Variants in PDE4B observed in about 807,000 individuals in gnomAD.
The protein encoded by PDE4B is 3',5'-cyclic-AMP phosphodiesterase 4B.
A neutral mutation model predicts 82.2 loss-of-function variants in PDE4B; 20 were observed. The ratio of observed to expected loss-of-function variants is 0.24; its 90% CI spans 0.17 to 0.35. The LOEUF (loss-of-function observed/expected upper bound fraction) is 0.35, where lower values mean the gene tolerates loss of function less well. PDE4B is among the 10% of genes least tolerant of loss of function. The pLI is 1.00. For missense variants in PDE4B, 655 were observed against 907.2 expected (o/e 0.72, Z 3.57); for synonymous variants, 320 against 318.9 (o/e 1.00, Z -0.04).
intron 3 of PDE4B, among the ~76,000 whole-genome samples, chr1:65,937,003 G>A (rs547421510): frequency 1.3e-5 from 2 of 152,260 alleles, no homozygotes; most frequent in East Asian, 3.9e-4. Flanking sequence ...GTAGGAAGAG[G>A]CACGGAAATA....
At chr1:66,155,835 C>G (rs1286708884) in intron 3 of PDE4B, among the ~76,000 whole-genome samples, 1 of 152,088 alleles carries the variant, frequency 6.6e-6, no homozygotes, top group Non-Finnish European at 1.5e-5. Context: ...CATGATATTC[C>G]CTGCTTAAAA....
At chr1:66,087,931 G>A (rs540292843) in intron 3 of PDE4B, among the ~76,000 whole-genome samples, 45 of 151,498 alleles carry the variant, frequency 3.0e-4, no homozygotes, top group South Asian at 2.3e-3. Flanking sequence ...TGACGAGTTA[G>A]TGGGTGCAGC....
At chr1:66,134,287 A>G (rs918360039) in intron 3 of PDE4B, among the ~76,000 whole-genome samples, 2 of 152,236 alleles carry the variant, frequency 1.3e-5, no homozygotes, top group Admixed American at 6.5e-5. Context: ...TTATGTGGTC[A>G]TTTAAAAACT....
intron 3 of PDE4B, among the ~76,000 whole-genome samples, chr1:66,011,808 T>C (rs1485681832): frequency 6.6e-6 from 1 of 152,102 alleles, no homozygotes; most frequent in Non-Finnish European, 1.5e-5. Context: ...GAAACTCACA[T>C]ACATACAATT....
chr1:66,038,219 A>T (rs574686628), intron 3 of PDE4B, among the ~76,000 whole-genome samples: 31 of 152,292 alleles, frequency 2.0e-4, no homozygotes, highest in African/African-American at 6.5e-4. Context: ...ATTTTGTGCC[A>T]GTCATTATAC....
At chr1:65,827,181 A>G (rs1221474189) in intron 1 of PDE4B, among the ~76,000 whole-genome samples, 1 of 152,142 alleles carries the variant, frequency 6.6e-6, no homozygotes, top group Non-Finnish European at 1.5e-5. Flanking sequence ...ACTCATCGTC[A>G]AGCATTAAAA....
At chr1:65,812,617 A>G (rs1161223992) in intron 1 of PDE4B, among the ~76,000 whole-genome samples, 1 of 152,128 alleles carries the variant, frequency 6.6e-6, no homozygotes, top group Non-Finnish European at 1.5e-5. Flanking sequence ...TTTTTCATCC[A>G]TTGGCACACT....
chr1:65,847,211 A>G (rs1225445866), intron 1 of PDE4B, among the ~76,000 whole-genome samples: 2 of 152,224 alleles, frequency 1.3e-5, no homozygotes, highest in African/African-American at 2.4e-5. Context: ...TATGTCTTCC[A>G]TTTTGTAAAA....
chr1:66,220,182 T>A (rs1038279844), intron 3 of PDE4B, among the ~76,000 whole-genome samples: 3 of 152,102 alleles, frequency 2.0e-5, no homozygotes, highest in African/African-American at 7.2e-5. Flanking sequence ...GTTCACAAGA[T>A]TGGATGTTTC....
intron 3 of PDE4B, among the ~76,000 whole-genome samples, chr1:66,082,476 G>A (rs1376495677): frequency 6.6e-6 from 1 of 152,026 alleles, no homozygotes; most frequent in Non-Finnish European, 1.5e-5. Context: ...TTGAGTAAGT[G>A]TATAGGCTCT....
chr1:66,225,829 G>A (rs563821253), intron 3 of PDE4B, among the ~76,000 whole-genome samples: 2 of 152,268 alleles, frequency 1.3e-5, no homozygotes, highest in Middle Eastern at 3.4e-3. Context: ...TTGCTTAATG[G>A]ATTAGTAACT....
chr1:65,874,228 T>C (rs201199168), intron 1 of PDE4B, among the ~76,000 whole-genome samples: 1 of 151,678 alleles, frequency 6.6e-6, no homozygotes, highest in African/African-American at 2.4e-5. Flanking sequence ...TGTCTGTTGT[T>C]GGTGTATAAG....
At chr1:65,970,377 A>G (rs1265905588) in intron 3 of PDE4B, among the ~76,000 whole-genome samples, 1 of 152,144 alleles carries the variant, frequency 6.6e-6, no homozygotes, top group East Asian at 1.9e-4. Flanking sequence ...GGCTTTTTGC[A>G]GAAGAATGAT....
intron 7 of PDE4B, among the ~76,000 whole-genome samples, chr1:66,304,808 A>C (rs1033101754): frequency 8.5e-5 from 13 of 152,104 alleles, no homozygotes; most frequent in African/African-American, 3.1e-4. Flanking sequence ...AACTACTGCT[A>C]TAGGACATTA....
intron 3 of PDE4B, among the ~76,000 whole-genome samples, chr1:65,970,710 G>A (rs1035198078): frequency 2.0e-5 from 3 of 152,046 alleles, no homozygotes; most frequent in Admixed American, 6.6e-5. Context: ...TTCCAAGAAT[G>A]GAAGTGACAT....
chr1:66,263,782 C>G (rs924146949), intron 6 of PDE4B, among the ~76,000 whole-genome samples: 1 of 151,714 alleles, frequency 6.6e-6, no homozygotes, highest in Non-Finnish European at 1.5e-5. Flanking sequence ...TTAAGTTAAC[C>G]TTAACTTAAC....
chr1:66,208,170 G>A (rs529546273), intron 3 of PDE4B, among the ~76,000 whole-genome samples: 3 of 151,896 alleles, frequency 2.0e-5, no homozygotes, highest in South Asian at 2.1e-4. Context: ...TGTCCTTTTC[G>A]CCACTGCTCA....
At chr1:65,929,303 C>T (rs1261097480) in intron 3 of PDE4B, among the ~76,000 whole-genome samples, 1 of 152,172 alleles carries the variant, frequency 6.6e-6, no homozygotes, top group African/African-American at 2.4e-5. Flanking sequence ...GATGTTGCCA[C>T]TACTGGGGAT....
chr1:65,904,876 A>G (rs184390378), intron 1 of PDE4B, among the ~76,000 whole-genome samples: 72 of 152,334 alleles, frequency 4.7e-4, no homozygotes, highest in Non-Finnish European at 3.5e-4. Context: ...TAGGGACTAT[A>G]GAATAGTGCC....
Sources: gnomAD v4.1 joint callset for allele counts (sites outside exome capture counted in the v4.1 genomes callset) on GRCh38, gnomAD v4.1.1 for gene constraint, MANE v1.5 for transcripts, NCBI Gene and HGNC (gene_info 2026-07-23, HGNC 2026-07-21) for gene names.